Variants in MMP26 observed in about 807,000 individuals in gnomAD.
The protein encoded by MMP26 is matrix metalloproteinase-26.
In MMP26, 33 loss-of-function variants were observed where a neutral mutation model predicts 31.0. The observed-to-expected ratio is 1.06, with a 90% CI of 0.81 to 1.42. The LOEUF is 1.42. Ranked by LOEUF, MMP26 falls within the 40% of genes most tolerant of loss-of-function variation. The probability of loss-of-function intolerance (pLI) is 0.00; values close to 1 mark genes in which losing one functional copy is unlikely to be tolerated. For synonymous variants in MMP26, 122 were observed against 114.9 expected (o/e 1.06, Z -0.40); for missense variants, 347 against 316.1 (o/e 1.10, Z -0.74).
At chr11:4,804,411 G>T (rs75367908) in intron 2 of MMP26, 2 of 1,485,624 alleles carry the variant, frequency 1.3e-6, no homozygotes, top group Non-Finnish European at 1.9e-6. Context: ...TGCTGGGAAC[G>T]CAATCTACTC....
intron 1 of MMP26, among the ~76,000 whole-genome samples, chr11:4,733,441 A>G (rs1848199472): frequency 6.6e-6 from 1 of 152,126 alleles, no homozygotes; most frequent in Admixed American, 6.6e-5. Flanking sequence ...GCTATTGTAA[A>G]TGGAATTTTT....
At chr11:4,753,554 A>G (rs1010037264) in intron 1 of MMP26, among the ~76,000 whole-genome samples, 2 of 152,058 alleles carry the variant, frequency 1.3e-5, no homozygotes, top group Non-Finnish European at 1.5e-5. Flanking sequence ...TTCAGTATGC[A>G]TTTGTCACTT....
chr11:4,930,639 T>C (rs1415758459), intron 2 of MMP26, among the ~76,000 whole-genome samples: 2 of 152,072 alleles, frequency 1.3e-5, no homozygotes, highest in African/African-American at 4.8e-5. Flanking sequence ...AATCAAAGTA[T>C]TGAAAAGTTG....
At chr11:4,962,051 T>G (rs1026586287) in intron 2 of MMP26, among the ~76,000 whole-genome samples, 41 of 152,226 alleles carry the variant, frequency 2.7e-4, no homozygotes, top group African/African-American at 9.9e-4. Context: ...TGTTTGTTTG[T>G]TTTTTGTATA....
chr11:4,792,626 A>T (rs902462177), intron 2 of MMP26, among the ~76,000 whole-genome samples: 1 of 152,208 alleles, frequency 6.6e-6, no homozygotes, highest in African/African-American at 2.4e-5. Context: ...TATCAATAGT[A>T]CTTGGGTCAT....
At chr11:4,874,210 C>T (rs1391153454) in intron 2 of MMP26, among the ~76,000 whole-genome samples, 2 of 152,062 alleles carry the variant, frequency 1.3e-5, no homozygotes, top group African/African-American at 4.8e-5. Flanking sequence ...ACGACTAGTA[C>T]AAGTAAGGTG....
chr11:4,827,176 G>A (rs1414499203), intron 2 of MMP26, among the ~76,000 whole-genome samples: 2 of 152,142 alleles, frequency 1.3e-5, no homozygotes, highest in Non-Finnish European at 2.9e-5. Flanking sequence ...TAAAAGATTT[G>A]CGGTGATGCA....
At chr11:4,798,325 A>G (rs1849135599) in intron 2 of MMP26, among the ~76,000 whole-genome samples, 1 of 152,206 alleles carries the variant, frequency 6.6e-6, no homozygotes, top group Non-Finnish European at 1.5e-5. Context: ...TAGCAGACCA[A>G]GACTAAACTT....
At chr11:4,785,367 G>A (rs1233309879) in intron 2 of MMP26, among the ~76,000 whole-genome samples, 2 of 152,012 alleles carry the variant, frequency 1.3e-5, no homozygotes, top group Non-Finnish European at 2.9e-5. Context: ...TCTAGGTATA[G>A]ATGAGACTCT....
intron 1 of MMP26, chr11:4,711,918 A>T (rs1187590067): frequency 6.6e-6 from 1 of 152,168 alleles, no homozygotes; most frequent in Non-Finnish European, 1.5e-5. Flanking sequence ...TCTCTGACTG[A>T]CATACCCACC....
intron 2 of MMP26, among the ~76,000 whole-genome samples, chr11:4,873,163 A>C (rs1415514866): frequency 6.6e-6 from 1 of 152,136 alleles, no homozygotes; most frequent in Non-Finnish European, 1.5e-5. Context: ...TGAGATCTTA[A>C]GGAATCAGGG....
At chr11:4,810,305 T>TATATC (rs1849333174) in intron 2 of MMP26, among the ~76,000 whole-genome samples, 1 of 151,822 alleles carries the variant, frequency 6.6e-6, no homozygotes, top group Non-Finnish European at 1.5e-5. Context: ...AAACTGCTGA[T>TATATC]ATGTAAGTCG....
At chr11:4,928,278 C>G (rs1280084708) in intron 2 of MMP26, among the ~76,000 whole-genome samples, 1 of 152,088 alleles carries the variant, frequency 6.6e-6, no homozygotes, top group Non-Finnish European at 1.5e-5. Flanking sequence ...AGAAGGAGAG[C>G]TCTCTTCAGC....
intron 1 of MMP26, among the ~76,000 whole-genome samples, chr11:4,706,848 A>T (rs940950860): frequency 6.6e-6 from 1 of 152,220 alleles, no homozygotes; most frequent in Non-Finnish European, 1.5e-5. Flanking sequence ...TACTTCACAT[A>T]TAAGTGGAAT....
chr11:4,930,511 A>G (rs756277023), intron 2 of MMP26, among the ~76,000 whole-genome samples: 1 of 152,000 alleles, frequency 6.6e-6, no homozygotes, highest in Non-Finnish European at 1.5e-5. Flanking sequence ...AAAATTTACC[A>G]TCTCCGAATC....
chr11:4,837,627 C>A (rs955982653), intron 2 of MMP26, among the ~76,000 whole-genome samples: 4 of 152,012 alleles, frequency 2.6e-5, no homozygotes, highest in African/African-American at 9.7e-5. Context: ...TTACTATTAG[C>A]AAAATCTAAA....
At chr11:4,929,786 G>A (rs990052535) in intron 2 of MMP26, among the ~76,000 whole-genome samples, 1 of 151,990 alleles carries the variant, frequency 6.6e-6, no homozygotes, top group Admixed American at 6.6e-5. Context: ...ATTATGCAAA[G>A]TATAGTTTTT....
rs558117639 is a variant in MMP26 at position 4,803,809 on chromosome 11, A to C, written c.-145+36468A>C. On this transcript the variant is annotated intron_variant, in intron 2 of 7. Coordinates refer to ENST00000380390, the MANE Select transcript of MMP26 (RefSeq NM_021801.5). ...ACGACTTATGCTTGTATCAGCACAC[A>C]CCAACTTCAGCACAGCCATGTGCTC... is the stretch of plus-strand genomic sequence containing the variant. 3 of 1,612,928 alleles carry C rather than the reference A, an allele frequency of 1.9e-6. No homozygotes were observed. In the Admixed American group the frequency reaches 5.0e-5, roughly 27 times the overall value.
At chr11:4,785,224 C>G (rs1326772706) in intron 2 of MMP26, among the ~76,000 whole-genome samples, 1 of 152,144 alleles carries the variant, frequency 6.6e-6, no homozygotes, top group African/African-American at 2.4e-5. Context: ...AAAGAGCAGA[C>G]AGTTGATCAC....
Sources: allele counts gnomAD v4.1 joint callset (sites outside exome capture counted in the v4.1 genomes callset), GRCh38; gene constraint gnomAD v4.1.1; transcripts MANE v1.5; gene names NCBI Gene and HGNC (gene_info 2026-07-23, HGNC 2026-07-21).